NLGN1: variants seen among roughly 807,000 people sequenced by gnomAD.
NLGN1 encodes neuroligin 1.
A neutral mutation model predicts 65.5 loss-of-function variants in NLGN1; 12 were observed. That is an observed-to-expected ratio of 0.18 (90% CI 0.12 to 0.30). The LOEUF is 0.30. Among genes scored for constraint, NLGN1 ranks in the 10% least tolerant of loss-of-function variants. The pLI, the probability that NLGN1 is intolerant of heterozygous loss-of-function variation, is 1.00. For synonymous variants in NLGN1, 350 were observed against 359.5 expected (o/e 0.97, Z 0.30); for missense variants, 750 against 1,007.1 (o/e 0.74, Z 3.46).
At position 173,645,078 on chromosome 3, in the gene NLGN1, G is replaced by A. The variant is rs1210093786; in HGVS notation, c.493+39987G>A. Among the ~76,000 whole-genome samples the A allele has an allele frequency of 5.9e-5, 9 of 152,220 alleles. 1 individual carries two copies. Among genetic ancestry groups the A allele is most frequent in the Non-Finnish European group, 1.5e-5 (1 of 68,040 alleles). On this transcript the variant is annotated intron_variant, in intron 3 of 6. Coordinates refer to ENST00000457714, the Ensembl canonical transcript of NLGN1. ...ACATTGAGAATGGGGCCACAGGTAG[G>A]AGGCAAGGCCTGACCTCCCTCCCTC...
intron 4 of NLGN1, among the ~76,000 whole-genome samples, chr3:174,011,171 G>A (rs926844593): frequency 6.6e-6 from 1 of 152,114 alleles, no homozygotes; most frequent in Admixed American, 6.6e-5. Context: ...GTGGTCAAAT[G>A]CATTCATCTT....
chr3:173,787,855 C>A (rs1254247359), intron 3 of NLGN1, among the ~76,000 whole-genome samples: 1 of 152,146 alleles, frequency 6.6e-6, no homozygotes, highest in Non-Finnish European at 1.5e-5. Flanking sequence ...AAATTATGCT[C>A]AAGCAATTGC....
chr3:174,243,104 A>C (rs1342952919), intron 4 of NLGN1, among the ~76,000 whole-genome samples: 1 of 152,226 alleles, frequency 6.6e-6, no homozygotes, highest in East Asian at 1.9e-4. Context: ...CACCATTTTT[A>C]ATCACAAGTC....
intron 4 of NLGN1, among the ~76,000 whole-genome samples, chr3:173,985,202 T>C (rs1251000611): frequency 6.6e-6 from 1 of 152,236 alleles, no homozygotes; most frequent in African/African-American, 2.4e-5. Flanking sequence ...CATTTCTCTG[T>C]CTTATTCACT....
intron 3 of NLGN1, among the ~76,000 whole-genome samples, chr3:173,686,229 ATAT>A (rs1478396967): frequency 6.6e-6 from 1 of 151,874 alleles, no homozygotes; most frequent in East Asian, 1.9e-4. Flanking sequence ...AGTTCTCTTA[ATAT>A]TGTACTAAGA....
intron 3 of NLGN1, among the ~76,000 whole-genome samples, chr3:173,804,706 A>T (rs1716247808): frequency 6.6e-6 from 1 of 151,482 alleles, no homozygotes; most frequent in Non-Finnish European, 1.5e-5. Context: ...TAAGCCTAAG[A>T]TAGAAATTTG....
At chr3:174,214,153 A>G (rs1034689734) in intron 4 of NLGN1, among the ~76,000 whole-genome samples, 1 of 152,188 alleles carries the variant, frequency 6.6e-6, no homozygotes, top group Non-Finnish European at 1.5e-5. Flanking sequence ...ACTACAGCCA[A>G]TACTATAAAT....
At chr3:173,821,354 G>C (rs956222875) in intron 4 of NLGN1, among the ~76,000 whole-genome samples, 4 of 152,056 alleles carry the variant, frequency 2.6e-5, no homozygotes, top group Non-Finnish European at 5.9e-5. Flanking sequence ...ATTCTTTGTG[G>C]TAATATCACC....
At chr3:173,926,393 A>G (rs1743012956) in intron 4 of NLGN1, among the ~76,000 whole-genome samples, 1 of 152,162 alleles carries the variant, frequency 6.6e-6, no homozygotes, top group African/African-American at 2.4e-5. Context: ...TTCCCTAACC[A>G]CAAAAGTCAA....
At chr3:173,538,618 A>G (rs1737859963) in intron 2 of NLGN1, among the ~76,000 whole-genome samples, 1 of 152,196 alleles carries the variant, frequency 6.6e-6, no homozygotes, top group South Asian at 2.1e-4. Context: ...CACTGGAGGA[A>G]GTGGTGTCAT....
At chr3:173,612,248 T>G (rs911760065) in intron 3 of NLGN1, among the ~76,000 whole-genome samples, 6 of 152,114 alleles carry the variant, frequency 3.9e-5, no homozygotes, top group African/African-American at 1.4e-4. Context: ...AAGCATAATT[T>G]CTAATCATAA....
chr3:173,420,824 T>A (rs1368564327), intron 1 of NLGN1, among the ~76,000 whole-genome samples: 1 of 152,240 alleles, frequency 6.6e-6, no homozygotes, highest in Non-Finnish European at 1.5e-5. Context: ...CACACTAATT[T>A]GATATGTGTA....
intron 1 of NLGN1, among the ~76,000 whole-genome samples, chr3:173,417,614 C>G (rs980111710): frequency 5.5e-5 from 8 of 146,132 alleles, no homozygotes; most frequent in African/African-American, 2.1e-4. Flanking sequence ...TATCATACAC[C>G]ACACAGAAAT....
intron 4 of NLGN1, among the ~76,000 whole-genome samples, chr3:174,187,053 C>T (rs75123525): frequency 0.022 from 3,329 of 151,780 alleles, 126 homozygotes; most frequent in African/African-American, 0.075. Context: ...TTTATAATAC[C>T]GAATACAATG....
intron 2 of NLGN1, among the ~76,000 whole-genome samples, chr3:173,596,952 C>A (rs2149419365): frequency 1.3e-5 from 2 of 152,280 alleles, no homozygotes; most frequent in South Asian, 2.1e-4. Context: ...TTATCCCCAA[C>A]CCTGACTTCT....
At chr3:173,574,447 T>C (rs1745191807) in intron 2 of NLGN1, among the ~76,000 whole-genome samples, 1 of 151,994 alleles carries the variant, frequency 6.6e-6, no homozygotes, top group African/African-American at 2.4e-5. Context: ...CAATTTAAAA[T>C]TTTATATTTA....
chr3:173,823,424 A>C (rs922228643), intron 4 of NLGN1, among the ~76,000 whole-genome samples: 2 of 152,038 alleles, frequency 1.3e-5, no homozygotes, highest in Non-Finnish European at 2.9e-5. Context: ...GTCAACATAA[A>C]TTTATTACCA....
At chr3:173,718,415 G>T (rs1770241968) in intron 3 of NLGN1, among the ~76,000 whole-genome samples, 1 of 151,738 alleles carries the variant, frequency 6.6e-6, no homozygotes, top group Non-Finnish European at 1.5e-5. Flanking sequence ...TTTGTTTCTG[G>T]CTTATTTCAC....
rs116374050 is a variant in NLGN1 at position 174,022,877 on chromosome 3, T to C, written c.646+215045T>C. On this transcript the variant is annotated intron_variant, in intron 4 of 6. Transcript: ENST00000457714. ...GTTTCTGGAGGTGCTAGTAATGGTC[T>C]CTTTTAGAGCTGGGTGTTGCTTACA... Among the ~76,000 whole-genome samples, 541 of 152,274 alleles carry C rather than the reference T, an allele frequency of 3.6e-3. 3 individuals are homozygous for C. Among genetic ancestry groups the C allele is most frequent in the Middle Eastern group, 0.014 (4 of 294 alleles).
Sources: gnomAD v4.1 joint callset for allele counts (sites outside exome capture counted in the v4.1 genomes callset) on GRCh38, gnomAD v4.1.1 for gene constraint, MANE v1.5 for transcripts, NCBI Gene and HGNC (gene_info 2026-07-23, HGNC 2026-07-21) for gene names.